Variants in TG observed in about 807,000 individuals in gnomAD.
TG encodes thyroglobulin.
Under a neutral mutation model 324.7 loss-of-function variants are expected in TG, and 270 were observed. The ratio of observed to expected loss-of-function variants is 0.83; its 90% CI spans 0.75 to 0.92. The LOEUF is 0.92. TG is among the 40% of genes least tolerant of loss of function. The pLI is 0.00. For synonymous variants in TG, 1,401 were observed against 1,327.0 expected, an observed-to-expected ratio of 1.06 and a Z score of -1.21; for missense variants, 3,591 against 3,456.4, an observed-to-expected ratio of 1.04 and a Z score of -0.98.
intron 41 of TG, among the ~76,000 whole-genome samples, chr8:133,046,260 T>C (rs1052617762): frequency 6.6e-6 from 1 of 152,202 alleles, no homozygotes; most frequent in African/African-American, 2.4e-5. Flanking sequence ...GGCTAAGCAA[T>C]TGCCATGAAA....
chr8:133,117,294 T>C (rs1280175256), intron 45 of TG, among the ~76,000 whole-genome samples: 1 of 152,114 alleles, frequency 6.6e-6, no homozygotes, highest in Non-Finnish European at 1.5e-5. Flanking sequence ...GAAAATATTT[T>C]AAAAAGAAGA....
intron 45 of TG, among the ~76,000 whole-genome samples, chr8:133,120,605 G>A (rs1411436424): frequency 6.6e-6 from 1 of 152,176 alleles, no homozygotes; most frequent in East Asian, 1.9e-4. Flanking sequence ...TCTTCGTCCG[G>A]TATTTCTTTA....
At chr8:132,982,024 G>A (rs115427364) in intron 34 of TG, among the ~76,000 whole-genome samples, 1 of 152,156 alleles carries the variant, frequency 6.6e-6, no homozygotes, top group East Asian at 1.9e-4. Flanking sequence ...ACAGGGACAA[G>A]AGACATGGCA....
At chr8:132,968,970 A>G (rs1031938291) in intron 31 of TG, among the ~76,000 whole-genome samples, 8 of 152,130 alleles carry the variant, frequency 5.3e-5, no homozygotes, top group African/African-American at 1.9e-4. Flanking sequence ...GAGAGAACGA[A>G]CCTTCTATCT....
intron 36 of TG, among the ~76,000 whole-genome samples, chr8:133,012,819 G>T (rs1293273680): frequency 6.6e-6 from 1 of 152,204 alleles, no homozygotes; most frequent in Non-Finnish European, 1.5e-5. Context: ...TATAAATAGG[G>T]CTCTTAGGCT....
At chr8:132,976,982 G>C (rs1036703385) in intron 34 of TG, among the ~76,000 whole-genome samples, 1 of 152,202 alleles carries the variant, frequency 6.6e-6, no homozygotes, top group Non-Finnish European at 1.5e-5. Context: ...TATTCTCACA[G>C]GTGGGCCATG....
chr8:132,934,060 C>T (rs530958337), intron 24 of TG, among the ~76,000 whole-genome samples: 22 of 152,196 alleles, frequency 1.4e-4, no homozygotes, highest in South Asian at 4.1e-4. Flanking sequence ...TTGGAGGGCA[C>T]GGTGGCTCGC....
intron 18 of TG, among the ~76,000 whole-genome samples, chr8:132,909,270 T>C (rs1563941982): frequency 6.6e-6 from 1 of 152,096 alleles, no homozygotes; most frequent in Non-Finnish European, 1.5e-5. Flanking sequence ...AATCTTGACA[T>C]ATTGGGACAA....
chr8:133,112,587 A>G (rs1262981326), intron 43 of TG, among the ~76,000 whole-genome samples: 3 of 151,576 alleles, frequency 2.0e-5, no homozygotes, highest in African/African-American at 7.3e-5. Flanking sequence ...GGAGGGGAAG[A>G]GAAGGTGAGG....
At chr8:133,060,069 T>C in intron 41 of TG, 2 of 1,557,808 alleles carry the variant, frequency 1.3e-6, no homozygotes, top group African/African-American at 1.4e-5. Flanking sequence ...TAGCACAGAC[T>C]CAAGCATCTC....
intron 45 of TG, among the ~76,000 whole-genome samples, chr8:133,130,861 C>G (rs1851888742): frequency 2.0e-5 from 3 of 150,908 alleles, no homozygotes; most frequent in African/African-American, 7.5e-5. Flanking sequence ...ACCTTTCATC[C>G]CACTGTGAGG....
Position 132,868,446 on chromosome 8 carries a change from C to A in TG, c.176+223C>A, listed in dbSNP as rs2293998. 2.0e-4 allele frequency among the ~76,000 whole-genome samples: 30 copies of A among 152,040 alleles called. No individual in the cohort carries two copies. The East Asian group carries it at 5.8e-3, about 29-fold the overall frequency. ...ACACTGGACAATCTGACCAAGTGAA[C>A]CCCAATCCATGCTTCATCCTCCCAC... On this transcript the variant is annotated intron_variant, in intron 2 of 47. Coordinates refer to ENST00000220616, the MANE Select transcript of TG (RefSeq NM_003235.5).
At chr8:133,018,088 G>T in intron 38 of TG, 91 bp downstream of exon 38, 1 of 1,285,988 alleles carries the variant, frequency 7.8e-7, no homozygotes. Context: ...GCAGAGCAGT[G>T]CATTTTGGAT....
intron 8 of TG, 96 bp downstream of exon 8, chr8:132,883,095 C>A: frequency 7.3e-7 from 1 of 1,373,012 alleles, no homozygotes; most frequent in Non-Finnish European, 1.0e-6. Context: ...AATTCAACTG[C>A]CTTCTAGTGT....
Position 132,901,446 on chromosome 8 carries a change from T to C in TG, c.3527T>C (p.Phe1176Ser), listed in dbSNP as rs757682529. The C allele has an allele frequency of 4.0e-5, 64 of 1,614,056 alleles. 2 individuals carry two copies. The South Asian group carries it at 5.6e-4, about 14-fold the overall frequency. ...GCCTGCAGGGCAGAGGATGGGGGCT[T>C]TTCCCCAGTGCAATGTGACCAGGCC... ...VPACRAEDGG[F>S]SPVQCDQAQG... The change falls in exon 16 of 48, where the codon TTT (phenylalanine) becomes TCT (serine). Residue 1176 changes from phenylalanine (F) to serine (S), a missense_variant. Physicochemically the swap from Phe to Ser is radical, Grantham distance 155. Transcript: ENST00000220616.
In TG at chr8:132,959,813, G is replaced by T. The variant is rs1827491959; in HGVS notation, c.5402-1195G>T. Among the ~76,000 whole-genome samples, 2 of 152,290 alleles carry T rather than the reference G, an allele frequency of 1.3e-5. 1 individual carries two copies. The highest frequency in any genetic ancestry group is 4.1e-4 in the South Asian group (2 of 4,826). On this transcript the variant is annotated intron_variant, in intron 27 of 47. Coordinates refer to ENST00000220616, the MANE Select transcript of TG (RefSeq NM_003235.5). ...ATTGGGTAATATAAGGAAGGTTTTT[G>T]TGCAAGCTTGTCCAGTCCACCTTTT...
chr8:132,988,064 G>GCACA (rs35161639), intron 35 of TG, among the ~76,000 whole-genome samples: 4,603 of 134,600 alleles, frequency 0.034, 133 homozygotes, highest in African/African-American at 0.074. Flanking sequence ...ACATACACAT[G>GCACA]CACACACACA....
At chr8:133,092,720 C>T (rs1039602813) in intron 41 of TG, among the ~76,000 whole-genome samples, 2 of 152,160 alleles carry the variant, frequency 1.3e-5, no homozygotes, top group Non-Finnish European at 1.5e-5. Context: ...CCCATGCTCT[C>T]TACACACCTC....
intron 20 of TG, 41 bp from the exon 21 acceptor site, chr8:132,919,335 T>C (rs746691530): frequency 5.0e-6 from 8 of 1,602,170 alleles, no homozygotes; most frequent in South Asian, 1.1e-5. Flanking sequence ...CTGTGAAGCA[T>C]GTGTCTTGAT....
Sources: gnomAD v4.1 joint callset for allele counts (sites outside exome capture counted in the v4.1 genomes callset) on GRCh38, gnomAD v4.1.1 for gene constraint, MANE v1.5 for transcripts, NCBI Gene and HGNC (gene_info 2026-07-23, HGNC 2026-07-21) for gene names.